The following PROK2 variants were observed in gnomAD, a reference collection of about 807,000 sequenced individuals.
PROK2 encodes the protein prokineticin 2.
Under a neutral mutation model 14.2 loss-of-function variants are expected in PROK2, and 8 were observed. That is an observed-to-expected ratio of 0.56 (90% CI 0.33 to 1.02). The LOEUF (loss-of-function observed/expected upper bound fraction) is 1.02, where lower values mean the gene tolerates loss of function less well. PROK2 is among the 50% of genes least tolerant of loss of function. PROK2 has a pLI of 0.03. For synonymous variants in PROK2, 59 were observed against 60.7 expected (o/e 0.97, Z 0.13); for missense variants, 154 against 160.4 (o/e 0.96, Z 0.22).
At chr3:71,779,651 T>C (rs1161755840) in intron 2 of PROK2, among the ~76,000 whole-genome samples, 5 of 152,208 alleles carry the variant, frequency 3.3e-5, no homozygotes, top group Non-Finnish European at 7.3e-5. Context: ...TCACCCAGGC[T>C]GGAGTATAGT....
intron 2 of PROK2, among the ~76,000 whole-genome samples, chr3:71,776,937 C>A (rs542888507): frequency 6.6e-6 from 1 of 152,102 alleles, no homozygotes; most frequent in African/African-American, 2.4e-5. Flanking sequence ...TAGAAGTTAC[C>A]GAGGCAGAAC....
At chr3:71,773,137 G>A (rs775110416) in intron 3 of PROK2, among the ~76,000 whole-genome samples, 49 of 152,050 alleles carry the variant, frequency 3.2e-4, no homozygotes, top group Non-Finnish European at 6.5e-4. Flanking sequence ...ATGCCACCAC[G>A]CCCAACTAAC....
intron 2 of PROK2, among the ~76,000 whole-genome samples, chr3:71,776,157 A>G (rs73837595): frequency 0.045 from 6,827 of 152,166 alleles, 503 homozygotes; most frequent in African/African-American, 0.15. Flanking sequence ...TAAATCAAGG[A>G]CACCAAGACT....
chr3:71,785,126 A>C lies in PROK2; in HGVS notation c.-74T>G, dbSNP rs937853518. On this transcript the variant is annotated 5_prime_UTR_variant, in exon 1 of 4. Coordinates refer to ENST00000295619, the MANE Select transcript of PROK2 (RefSeq NM_001126128.2). ...CCCGGGTGCGCTGGGTGGAGCGCGG[A>C]GCGGCGGGCGGACGGGCGCGGCGGC... The C allele has an allele frequency of 3.3e-5, 34 of 1,033,034 alleles. No homozygotes were observed. Among genetic ancestry groups the C allele is most frequent in the Non-Finnish European group, 3.9e-5 (32 of 813,552 alleles). The allele number at this position is 1,033,034 out of a possible 1,614,324, so 64.0% of individuals were successfully genotyped here.
rs9855562 is a variant in PROK2, at chr3:71,774,712, G to T, written c.223-205C>A. On this transcript the variant is annotated intron_variant, in intron 2 of 3. Transcript: ENST00000295619. ...AGTCATGTTCACCACTGGATTAATA[G>T]AGACTTGTGCTCAGAATGGTTCTGT... is the stretch of plus-strand genomic sequence containing the variant. 0.039 allele frequency among the ~76,000 whole-genome samples: 5,917 copies of T among 152,208 alleles called. 390 individuals carry two copies. Among genetic ancestry groups the T allele is most frequent in the African/African-American group, 0.13 (5,544 of 41,490 alleles).
At position 71,785,143 on chromosome 3, in the gene PROK2, C is replaced by G; in HGVS notation, c.-91G>C. The G allele has an allele frequency of 3.4e-6, 3 of 874,204 alleles. No homozygotes were observed. The highest frequency in any genetic ancestry group is 4.5e-6 in the Non-Finnish European group (3 of 673,306). The allele number at this position is 874,204 out of a possible 1,614,324, so 54.2% of individuals were successfully genotyped here. ...GAGCGCGGAGCGGCGGGCGGACGGG[C>G]GCGGCGGCTCCCGCGAGCCTCCGGG... On this transcript the variant is annotated 5_prime_UTR_variant, in exon 1 of 4. Coordinates refer to ENST00000295619, the MANE Select transcript of PROK2 (RefSeq NM_001126128.2).
chr3:71,784,689 A>G (rs1390299710), intron 1 of PROK2, among the ~76,000 whole-genome samples: 19 of 152,192 alleles, frequency 1.2e-4, no homozygotes, highest in Admixed American at 1.2e-3. Flanking sequence ...GTGATGAGGG[A>G]GAAGTAAGCG....
intron 1 of PROK2, among the ~76,000 whole-genome samples, chr3:71,783,746 C>A (rs1425678131): frequency 6.6e-6 from 1 of 152,098 alleles, no homozygotes; most frequent in African/African-American, 2.4e-5. Flanking sequence ...ATTAGAAAGA[C>A]CTGCAAAAAG....
intron 2 of PROK2, among the ~76,000 whole-genome samples, chr3:71,774,712 G>C (rs9855562): frequency 3.6e-4 from 55 of 152,102 alleles, no homozygotes; most frequent in African/African-American, 1.3e-3. Context: ...TGGATTAATA[G>C]AGACTTGTGC....
intron 1 of PROK2, 120 bp downstream of exon 1, chr3:71,784,837 T>A (rs1578414902): frequency 1.2e-6 from 1 of 851,134 alleles, no homozygotes; most frequent in East Asian, 3.4e-5. Context: ...GGGGCAGGTG[T>A]CCCCGCCCAG....
In PROK2 at chr3:71,785,035, G is replaced by A. The variant is rs2050202751; in HGVS notation, c.18C>T (p.Cys6=). The A allele has an allele frequency of 8.0e-7, 1 of 1,242,252 alleles. No homozygotes were observed. Among genetic ancestry groups the A allele is most frequent in the African/African-American group, 1.5e-5 (1 of 64,562 alleles). The allele number at this position is 1,242,252 out of a possible 1,614,324, so 77.0% of individuals were successfully genotyped here. Reference sequence around the variant, plus strand: ...GCAGCAAGAGGAGCAGGAGTGGGGCGCAGCACAGGCTCCTCATGGCGCCCT... The same window carrying A: ...GCAGCAAGAGGAGCAGGAGTGGGGCACAGCACAGGCTCCTCATGGCGCCCT... The part of the protein sequence containing the change: MRSLC[C]APLLLLLLLP... Residue 6 remains cysteine, a synonymous_variant, in exon 1 of 4, where the codon TGC becomes TGT. Coordinates refer to ENST00000295619, the MANE Select transcript of PROK2 (RefSeq NM_001126128.2).
chr3:71,784,978 C>T lies in PROK2; in HGVS notation c.75G>A (p.Gly25=). The change falls in exon 1 of 4, where the codon GGG becomes GGA. Residue 25 remains glycine, a synonymous_variant. Coordinates refer to ENST00000295619, the MANE Select transcript of PROK2 (RefSeq NM_001126128.2). ...TTACCCCGGTGATCACGGCGGCGTC[C>T]CCAGCGCGGGGCGTGAGCAGCAGCG... The part of the protein sequence containing the change: ...LPPLLLTPRA[G]DAAVITGACD... 2.4e-6 allele frequency: 3 copies of T among 1,249,658 alleles called. No individual in the cohort carries two copies. The highest frequency in any genetic ancestry group is 3.0e-6 in the Non-Finnish European group (3 of 994,866). The allele number at this position is 1,249,658 out of a possible 1,614,324, so 77.4% of individuals were successfully genotyped here. A position where few individuals can be genotyped will look rare whatever the true frequency, so the allele number is the denominator to read the frequency against.
chr3:71,779,168 A>G (rs1438919627), intron 2 of PROK2, among the ~76,000 whole-genome samples: 1 of 152,248 alleles, frequency 6.6e-6, no homozygotes, highest in Non-Finnish European at 1.5e-5. Context: ...CTGAACTGTT[A>G]TCACTCATTC....
chr3:71,772,673 A>T lies in PROK2; in HGVS notation c.*51T>A. ...TTTGTTTGGCACAATCACAAGTAAG[A>T]CTTTACAGGTAAGATGTGGCTATTC... On this transcript the variant is annotated 3_prime_UTR_variant, in exon 4 of 4. Transcript: ENST00000295619. 6.7e-7 allele frequency: 1 copy of T among 1,498,372 alleles called. No individual in the cohort carries two copies. The highest frequency in any genetic ancestry group is 9.3e-7 in the Non-Finnish European group (1 of 1,074,718). 92.8% of individuals were successfully genotyped at this position (1,498,372 alleles called of 1,614,324 possible).
chr3:71,773,795 C>T (rs1020987526), intron 3 of PROK2, among the ~76,000 whole-genome samples: 1 of 152,206 alleles, frequency 6.6e-6, no homozygotes, highest in African/African-American at 2.4e-5. Flanking sequence ...GCCCATTTCA[C>T]CAGCCAAGCT....
chr3:71,776,941 G>A (rs1012663721), intron 2 of PROK2, among the ~76,000 whole-genome samples: 1 of 152,188 alleles, frequency 6.6e-6, no homozygotes, highest in African/African-American at 2.4e-5. Context: ...AGTTACCGAG[G>A]CAGAACATCC....
intron 2 of PROK2, among the ~76,000 whole-genome samples, chr3:71,775,931 GA>G (rs2050114186): frequency 6.6e-6 from 1 of 152,142 alleles, no homozygotes; most frequent in Admixed American, 6.5e-5. Flanking sequence ...GACCAACTCA[GA>G]TCCCAAGGCT....
intron 2 of PROK2, among the ~76,000 whole-genome samples, chr3:71,776,449 C>T (rs1307925280): frequency 5.2e-5 from 7 of 135,600 alleles, no homozygotes; most frequent in Non-Finnish European, 9.1e-5. Flanking sequence ...ATGATCTCAG[C>T]TCACTGTAGC....
chr3:71,778,300 G>C (rs1027705525), intron 2 of PROK2, among the ~76,000 whole-genome samples: 1 of 152,084 alleles, frequency 6.6e-6, no homozygotes, highest in African/African-American at 2.4e-5. Flanking sequence ...TAGAAAATAT[G>C]CATACTATGC....
Sources: gnomAD v4.1 joint callset for allele counts (sites outside exome capture counted in the v4.1 genomes callset) on GRCh38, gnomAD v4.1.1 for gene constraint, MANE v1.5 for transcripts, NCBI Gene and HGNC (gene_info 2026-07-23, HGNC 2026-07-21) for gene names.